The following ZNF385B variants were observed in gnomAD, a reference collection of about 807,000 sequenced individuals.
The protein encoded by ZNF385B is zinc finger protein 533.
ZNF385B carries 23 observed loss-of-function variants against 39.2 expected under a neutral mutation model. The ratio of observed to expected loss-of-function variants is 0.59; its 90% CI spans 0.42 to 0.83. ZNF385B has a LOEUF of 0.83. ZNF385B is among the 40% of genes least tolerant of loss of function. The pLI is 0.00. For synonymous variants in ZNF385B, 205 were observed against 222.6 expected (o/e 0.92, Z 0.70); for missense variants, 552 against 598.9 (o/e 0.92, Z 0.82).
intron 3 of ZNF385B, among the ~76,000 whole-genome samples, chr2:179,643,321 A>G (rs1373762110): frequency 1.3e-5 from 2 of 152,172 alleles, no homozygotes; most frequent in Non-Finnish European, 2.9e-5. Context: ...CAGAAAACCA[A>G]TATTCTTCAA....
chr2:179,719,512 A>T (rs1426646287), intron 3 of ZNF385B, among the ~76,000 whole-genome samples: 1 of 152,254 alleles, frequency 6.6e-6, no homozygotes. Flanking sequence ...GCTTACTAAC[A>T]TCTGAGCTTC....
intron 1 of ZNF385B, among the ~76,000 whole-genome samples, chr2:179,816,502 T>C (rs1204356295): frequency 2.0e-5 from 3 of 152,118 alleles, no homozygotes; most frequent in African/African-American, 7.2e-5. Flanking sequence ...TCACTTAGAG[T>C]AAAAATCAAA....
At chr2:179,660,595 A>G (rs1030665087) in intron 3 of ZNF385B, among the ~76,000 whole-genome samples, 1 of 152,210 alleles carries the variant, frequency 6.6e-6, no homozygotes, top group African/African-American at 2.4e-5. Context: ...CACCAATGAT[A>G]AGAAAATACA....
At chr2:179,665,940 TCTGA>T (rs1431628089) in intron 3 of ZNF385B, among the ~76,000 whole-genome samples, 1 of 152,170 alleles carries the variant, frequency 6.6e-6, no homozygotes, top group Non-Finnish European at 1.5e-5. Flanking sequence ...AGCAAAATGC[TCTGA>T]CTGTTTATCC....
intron 5 of ZNF385B, among the ~76,000 whole-genome samples, chr2:179,516,966 A>ATT (rs2058133096): frequency 6.6e-6 from 1 of 151,874 alleles, no homozygotes; most frequent in African/African-American, 2.4e-5. Context: ...ACATATGAAT[A>ATT]CGTACTTCTT....
At chr2:179,669,616 GAA>G (rs1367035314) in intron 3 of ZNF385B, among the ~76,000 whole-genome samples, 3 of 152,002 alleles carry the variant, frequency 2.0e-5, no homozygotes, top group Non-Finnish European at 2.9e-5. Flanking sequence ...GGGGGAAAAT[GAA>G]AAAACACATT....
intron 3 of ZNF385B, among the ~76,000 whole-genome samples, chr2:179,607,139 T>C (rs1345154034): frequency 6.6e-6 from 1 of 152,126 alleles, no homozygotes; most frequent in Non-Finnish European, 1.5e-5. Flanking sequence ...GATCAGGACA[T>C]GGGATGAATA....
chr2:179,522,801 T>C (rs2058598228), intron 4 of ZNF385B: 1 of 335,332 alleles, frequency 3.0e-6, no homozygotes, highest in Non-Finnish European at 6.1e-6. Context: ...AAAGTATAAT[T>C]CATTAGGAAA....
chr2:179,557,010 T>C (rs2060951595), intron 3 of ZNF385B, among the ~76,000 whole-genome samples: 1 of 149,284 alleles, frequency 6.7e-6, no homozygotes, highest in Non-Finnish European at 1.5e-5. Flanking sequence ...GTAACAATGT[T>C]ACTCAAGTCA....
intron 5 of ZNF385B, among the ~76,000 whole-genome samples, chr2:179,493,722 CGTATATACATATATGTATACATATGT>C (rs367548619): frequency 3.4e-5 from 2 of 59,274 alleles, no homozygotes; most frequent in Non-Finnish European, 7.7e-5. Flanking sequence ...TATGCATATA[CGTATATACATATATGTATACATATGT>C]GTATATACAT....
rs528590718 is a variant in ZNF385B at position 179,750,712 on chromosome 2, C to A, written c.298+18791G>T. On this transcript the variant is annotated intron_variant, in intron 3 of 9. Transcript: ENST00000410066. ...TATTCTATGAAACGAGTTTTCTGAA[C>A]TTACTAATTAAGAGGTTTAAAGAAA... is the stretch of plus-strand genomic sequence containing the variant. Among the ~76,000 whole-genome samples the A allele has an allele frequency of 3.3e-3, 496 of 152,136 alleles. 2 individuals carry two copies. The highest frequency in any genetic ancestry group is 0.011 in the African/African-American group (474 of 41,522).
chr2:179,697,164 A>G (rs1287470873), intron 3 of ZNF385B, among the ~76,000 whole-genome samples: 2 of 152,072 alleles, frequency 1.3e-5, no homozygotes, highest in African/African-American at 4.8e-5. Flanking sequence ...TGTTTTGGAC[A>G]ACTGATTTTG....
intron 3 of ZNF385B, among the ~76,000 whole-genome samples, chr2:179,555,680 T>C (rs2060861026): frequency 6.7e-6 from 1 of 149,494 alleles, no homozygotes; most frequent in South Asian, 2.1e-4. Flanking sequence ...AAATGATTTG[T>C]GAGCAAATAA....
At chr2:179,646,232 T>G (rs111800324) in intron 3 of ZNF385B, among the ~76,000 whole-genome samples, 1 of 152,144 alleles carries the variant, frequency 6.6e-6, no homozygotes, top group Non-Finnish European at 1.5e-5. Context: ...CTGGCCAACA[T>G]GGTGAAAGCC....
intron 3 of ZNF385B, among the ~76,000 whole-genome samples, chr2:179,606,894 T>G (rs571527478): frequency 1.3e-5 from 2 of 152,258 alleles, no homozygotes; most frequent in South Asian, 2.1e-4. Flanking sequence ...GAATTTCTCA[T>G]AGTGGGAGTA....
At position 179,708,065 on chromosome 2, in the gene ZNF385B, G is replaced by T. The variant is rs1172946863; in HGVS notation, c.298+61438C>A. 2.0e-5 allele frequency among the ~76,000 whole-genome samples: 3 copies of T among 152,262 alleles called. No homozygotes were observed. The East Asian group carries it at 5.8e-4, about 29-fold the overall frequency. On this transcript the variant is annotated intron_variant, in intron 3 of 9. Coordinates refer to ENST00000410066, the MANE Select transcript of ZNF385B (RefSeq NM_152520.6). ...CACAGGTGGAACTAGCTACATATTG[G>T]TCACCTAAGAATAGGCAGATTGTGC...
intron 3 of ZNF385B, among the ~76,000 whole-genome samples, chr2:179,685,073 T>A (rs1460406895): frequency 6.6e-6 from 1 of 152,236 alleles, no homozygotes; most frequent in Non-Finnish European, 1.5e-5. Context: ...TGAAGAGTTT[T>A]CTATCAAGAA....
intron 3 of ZNF385B, among the ~76,000 whole-genome samples, chr2:179,764,810 G>A (rs950892558): frequency 3.9e-5 from 6 of 152,156 alleles, no homozygotes; most frequent in African/African-American, 1.4e-4. Context: ...AATTTTATGT[G>A]TCAACTTGAC....
chr2:179,531,843 C>T (rs2059272793), intron 4 of ZNF385B, among the ~76,000 whole-genome samples: 1 of 152,060 alleles, frequency 6.6e-6, no homozygotes, highest in Non-Finnish European at 1.5e-5. Flanking sequence ...TTGAGTGGTT[C>T]TGTGGAAAGT....
Sources: gnomAD v4.1 joint callset for allele counts (sites outside exome capture counted in the v4.1 genomes callset) on GRCh38, gnomAD v4.1.1 for gene constraint, MANE v1.5 for transcripts, NCBI Gene and HGNC (gene_info 2026-07-23, HGNC 2026-07-21) for gene names.